ZNF487: variants seen among roughly 807,000 people sequenced by gnomAD.
The protein encoded by ZNF487 is zinc finger protein 487.
A neutral mutation model predicts 3.0 loss-of-function variants in ZNF487; 4 were observed. That is an observed-to-expected ratio of 1.35 (90% confidence interval 0.66 to 3.08). The LOEUF (loss-of-function observed/expected upper bound fraction) is 3.08. ZNF487 is among the 30% of genes most tolerant of loss of function. The probability of loss-of-function intolerance (pLI) is 0.01; values close to 1 mark genes in which losing one functional copy is unlikely to be tolerated. For synonymous variants in ZNF487, 55 were observed against 34.6 expected (o/e 1.59, Z -2.06); for missense variants, 146 against 98.7 (o/e 1.48, Z -2.03).
intron 1 of ZNF487, among the ~76,000 whole-genome samples, chr10:43,448,345 A>G (rs2261636): frequency 0.69 from 105,014 of 151,792 alleles, 37,998 homozygotes; most frequent in Non-Finnish European, 0.8. Flanking sequence ...TTTTTCCAAT[A>G]TAACCTGGTC....
chr10:43,519,520 T>C, the ZNF487 span, among the ~76,000 whole-genome samples: 1 of 151,928 alleles, frequency 6.6e-6, no homozygotes, highest in Non-Finnish European at 1.5e-5. Context: ...CAGGCCAGAT[T>C]GCACTGGTGC....
intron 1 of ZNF487, among the ~76,000 whole-genome samples, chr10:43,460,060 C>A (rs1840371873): frequency 6.6e-6 from 1 of 151,816 alleles, no homozygotes; most frequent in Admixed American, 6.6e-5. Flanking sequence ...CCTTGGCCTC[C>A]CAAAGTACTG....
At chr10:43,446,580 C>T (rs918092794) in intron 1 of ZNF487, among the ~76,000 whole-genome samples, 3 of 151,840 alleles carry the variant, frequency 2.0e-5, no homozygotes, top group African/African-American at 4.8e-5. Flanking sequence ...CAGAGGCGCT[C>T]CTCACATCCC....
the ZNF487 span, among the ~76,000 whole-genome samples, chr10:43,493,709 A>AAAAAAAAAAAATATATAT: frequency 2.3e-5 from 1 of 43,720 alleles, no homozygotes. Flanking sequence ...AAAAAAAAAA[A>AAAAAAAAAAAATATATAT]ATATATATAT....
the ZNF487 span, among the ~76,000 whole-genome samples, chr10:43,500,853 C>T: frequency 1.3e-5 from 2 of 152,200 alleles, no homozygotes; most frequent in African/African-American, 4.8e-5. Flanking sequence ...TATTGAAAAG[C>T]ATTAAAGGAA....
At chr10:43,454,476 T>G (rs906471081) in intron 1 of ZNF487, 3 of 152,256 alleles carry the variant, frequency 2.0e-5, no homozygotes, top group Non-Finnish European at 4.4e-5. Flanking sequence ...CTCCTAAAAA[T>G]GCAGTGTATG....
downstream of ZNF487, chr10:43,483,327 G>C (rs1363994555): frequency 2.0e-5 from 7 of 353,850 alleles, no homozygotes; most frequent in African/African-American, 1.3e-4. Flanking sequence ...CGCAACCTCT[G>C]TCTCCTGGAT....
intron 1 of ZNF487, among the ~76,000 whole-genome samples, chr10:43,467,776 C>T (rs1281337553): frequency 6.7e-6 from 1 of 150,260 alleles, no homozygotes; most frequent in Admixed American, 6.6e-5. Context: ...GAGATTGTGC[C>T]ACTGCACTCC....
chr10:43,489,726 T>C, the ZNF487 span, among the ~76,000 whole-genome samples: 1 of 152,180 alleles, frequency 6.6e-6, no homozygotes, highest in Non-Finnish European at 1.5e-5. Flanking sequence ...GGAATACTTG[T>C]AATGTCAAAA....
chr10:43,463,573 C>T (rs3006363), intron 1 of ZNF487, among the ~76,000 whole-genome samples: 99,030 of 150,224 alleles, frequency 0.66, 34,162 homozygotes, highest in Non-Finnish European at 0.76. Flanking sequence ...TTGGTGGAAA[C>T]TTGGTCTCAC....
At chr10:43,468,430 A>G (rs1467988762) in intron 1 of ZNF487, among the ~76,000 whole-genome samples, 1 of 152,108 alleles carries the variant, frequency 6.6e-6, no homozygotes, top group Non-Finnish European at 1.5e-5. Context: ...CTGTAACCCC[A>G]GCACTTTTGG....
chr10:43,437,055 C>G (rs1197624386), upstream of ZNF487: 2 of 322,536 alleles, frequency 6.2e-6, no homozygotes, highest in African/African-American at 4.7e-5. Context: ...GCAGGGAGCG[C>G]TGGACTGGCG....
At chr10:43,474,500 G>C (rs975242627) in intron 1 of ZNF487, among the ~76,000 whole-genome samples, 9 of 152,084 alleles carry the variant, frequency 5.9e-5, no homozygotes, top group African/African-American at 2.2e-4. Context: ...AGGAATTTGA[G>C]GCTGTAGTGT....
chr10:43,514,570 A>G, the ZNF487 span, among the ~76,000 whole-genome samples: 1 of 152,220 alleles, frequency 6.6e-6, no homozygotes, highest in African/African-American at 2.4e-5. Flanking sequence ...TGATTAGCCA[A>G]TGCTAGAGCT....
downstream of ZNF487, among the ~76,000 whole-genome samples, chr10:43,483,920 C>T (rs772761993): frequency 3.9e-5 from 6 of 152,216 alleles, no homozygotes; most frequent in Non-Finnish European, 5.9e-5. Flanking sequence ...GGCATGATCT[C>T]GGCTCACTGC....
intron 1 of ZNF487, among the ~76,000 whole-genome samples, chr10:43,464,391 T>TA (rs1306982903): frequency 6.6e-6 from 1 of 151,904 alleles, no homozygotes; most frequent in Non-Finnish European, 1.5e-5. Flanking sequence ...TATTTTTTTT[T>TA]ATTGATCATT....
chr10:43,440,960 T>G (rs1482395549), intron 1 of ZNF487, among the ~76,000 whole-genome samples: 1 of 149,570 alleles, frequency 6.7e-6, no homozygotes, highest in Non-Finnish European at 1.5e-5. Flanking sequence ...TCGATCTTCT[T>G]GGCTCCAGAA....
At chr10:43,456,474 G>T (rs1840207443) in intron 1 of ZNF487, among the ~76,000 whole-genome samples, 1 of 152,232 alleles carries the variant, frequency 6.6e-6, no homozygotes, top group Non-Finnish European at 1.5e-5. Context: ...AGAGAGGTGA[G>T]CTGGGCCTAA....
At chr10:43,518,292 C>T in the ZNF487 span, among the ~76,000 whole-genome samples, 5 of 152,282 alleles carry the variant, frequency 3.3e-5, no homozygotes, top group East Asian at 9.6e-4. Flanking sequence ...CCCATCTAGG[C>T]CCCAAGCAGC....
Sources: allele counts gnomAD v4.1 joint callset (sites outside exome capture counted in the v4.1 genomes callset), GRCh38; gene constraint gnomAD v4.1.1; transcripts MANE v1.5; gene names NCBI Gene and HGNC (gene_info 2026-07-23, HGNC 2026-07-21).